Variants in CYP4F8 observed in about 807,000 individuals in gnomAD.
CYP4F8 encodes the protein cytochrome P450 family 4 subfamily F member 8.
CYP4F8 carries 56 observed loss-of-function variants against 55.0 expected under a neutral mutation model. The observed-to-expected ratio is 1.02, with a 90% CI of 0.82 to 1.27. The LOEUF (loss-of-function observed/expected upper bound fraction) is 1.27, where lower values mean the gene tolerates loss of function less well. Among genes scored for constraint, CYP4F8 ranks in the 50% most tolerant of loss-of-function variants. The probability of loss-of-function intolerance (pLI) is 0.00; values close to 1 mark genes in which losing one functional copy is unlikely to be tolerated. For synonymous variants in CYP4F8, 288 were observed against 267.3 expected (o/e 1.08, Z -0.76); for missense variants, 680 against 682.4 (o/e 1.00, Z 0.04).
At chr19:15,623,514 AT>A in intron 7 of CYP4F8, 139 bp downstream of exon 7, 1 of 1,297,932 alleles carries the variant, frequency 7.7e-7, no homozygotes, top group Admixed American at 2.7e-5. Flanking sequence ...AGTCAGATAA[AT>A]TTTAGAGGTG....
rs1230621413 is a variant in CYP4F8 at position 15,623,289 on chromosome 19, C to T, written c.832C>T (p.Leu278Phe). 2 of 1,613,962 alleles carry T rather than the reference C, an allele frequency of 1.2e-6. No homozygotes were observed. Among genetic ancestry groups the T allele is most frequent in the Non-Finnish European group, 1.7e-6 (2 of 1,180,026 alleles). Residue 278 changes from leucine to phenylalanine, a missense_variant, in exon 7 of 13, where the codon CTC (leucine) becomes TTC (phenylalanine). By Grantham distance (22) the Leu-to-Phe change is conservative. Transcript: ENST00000612078. ...CGTCATCCAGGAGCGGCGCCGCACC[C>T]TCACTAGCCAGGGTGTTGATGACTT... The part of the protein sequence containing the change: ...DAVIQERRRT[L>F]TSQGVDDFLQ...
rs1190402029 is a variant in CYP4F8 at position 15,628,831 on chromosome 19, C to T, written c.1385C>T (p.Ser462Leu). The stretch of plus-strand genomic sequence containing the variant: ...TCACCTATGGCTTTTATTCCTTTCT[C>T]GGCGGGGCCCAGGTGAGGCCAGGGG... ...KRSPMAFIPF[S>L]AGPRNCIGQK... The change falls in exon 12 of 13, where the codon TCG becomes TTG. Residue 462 changes from serine to leucine, a missense_variant. By Grantham distance (145) the Ser-to-Leu change is moderately radical (BLOSUM62 -2). Coordinates refer to ENST00000612078, the MANE Select transcript of CYP4F8 (RefSeq NM_007253.4). 3.1e-6 allele frequency: 5 copies of T among 1,602,678 alleles called. No homozygotes were observed. The highest frequency in any genetic ancestry group is 4.3e-6 in the Non-Finnish European group (5 of 1,175,080).
chr19:15,625,369 T>TA (rs1972249669), intron 9 of CYP4F8, among the ~76,000 whole-genome samples: 1 of 149,078 alleles, frequency 6.7e-6, no homozygotes, highest in Non-Finnish European at 1.5e-5. Flanking sequence ...AGTGTATATA[T>TA]ATATAGTGTT....
intron 2 of CYP4F8, 135 bp downstream of exon 2, chr19:15,615,949 C>CA: frequency 6.0e-6 from 1 of 165,808 alleles, no homozygotes; most frequent in East Asian, 8.1e-5. Flanking sequence ...ATTCCTCTTC[C>CA]CACTCATTCC....
In CYP4F8 at chr19:15,619,640, G is replaced by T. The variant is rs1188313361; in HGVS notation, c.403G>T (p.Gly135Trp). The T allele has an allele frequency of 3.7e-6, 6 of 1,614,246 alleles. No homozygotes were observed. The South Asian group carries it at 6.6e-5, about 18-fold the overall frequency. ...YKTLKPWLGD[G>W]LLLSVGDKWR... Reference sequence around the variant, plus strand: ...GCCTTTGGCTGCCGTACTAGGGGATGGGCTCTTGTTAAGTGTTGGTGACAA... The same window carrying T: ...GCCTTTGGCTGCCGTACTAGGGGATTGGCTCTTGTTAAGTGTTGGTGACAA... The change falls in exon 5 of 13, where the codon GGG becomes TGG. Residue 135 changes from glycine (G) to tryptophan (W), a missense_variant. Gly to Trp is a radical substitution (Grantham distance 184). Coordinates refer to ENST00000612078, the MANE Select transcript of CYP4F8 (RefSeq NM_007253.4).
chr19:15,621,387 G>A (rs781213688), intron 5 of CYP4F8, among the ~76,000 whole-genome samples: 15 of 152,150 alleles, frequency 9.9e-5, no homozygotes, highest in Middle Eastern at 3.2e-3. Context: ...TTAGCAGGGC[G>A]TGGTGGTGCG....
intron 8 of CYP4F8, 51 bp from the exon 9 acceptor site, chr19:15,623,914 T>G: frequency 6.2e-7 from 1 of 1,606,736 alleles, no homozygotes. Flanking sequence ...CTGTCCACCC[T>G]CTGGGTGCTG....
chr19:15,616,313 T>TCACTCATTCCTGTCCTC (rs1568381015), intron 2 of CYP4F8, among the ~76,000 whole-genome samples: 1 of 140,702 alleles, frequency 7.1e-6, no homozygotes, highest in African/African-American at 2.7e-5. Flanking sequence ...TTCCTCTCCT[T>TCACTCATTCCTGTCCTC]GCTCACTCAT....
At chr19:15,626,698 A>T (rs1406890994) in intron 9 of CYP4F8, among the ~76,000 whole-genome samples, 1 of 152,020 alleles carries the variant, frequency 6.6e-6, no homozygotes, top group Non-Finnish European at 1.5e-5. Context: ...AATTGGGTCC[A>T]CTGTATCTTT....
At chr19:15,618,368 G>A in intron 3 of CYP4F8, 2 of 766,442 alleles carry the variant, frequency 2.6e-6, no homozygotes, top group South Asian at 1.5e-5. Context: ...GGAACCACTG[G>A]GGCCCCGAGA....
At position 15,618,346 on chromosome 19, in the gene CYP4F8, C is replaced by T. The variant is rs754060460; in HGVS notation, c.343+202C>T. The T allele has an allele frequency of 3.8e-5, 34 of 890,606 alleles. No individual in the cohort carries two copies. The Middle Eastern group carries it at 4.5e-3, about 117-fold the overall frequency. The allele number at this position is 890,606 out of a possible 1,614,324, so 55.2% of individuals were successfully genotyped here. The stretch of plus-strand genomic sequence containing the variant: ...TCTCTGCTGCCATCTTCCCCACCTC[C>T]GTGTTGTTCTGGGAACCACTGGGGC... On this transcript the variant is annotated intron_variant, in intron 3 of 12. Coordinates refer to ENST00000612078, the MANE Select transcript of CYP4F8 (RefSeq NM_007253.4).
chr19:15,617,684 C>T (rs1325085595), intron 2 of CYP4F8, among the ~76,000 whole-genome samples: 2 of 152,140 alleles, frequency 1.3e-5, no homozygotes, highest in Non-Finnish European at 2.9e-5. Flanking sequence ...TGGTGCAATT[C>T]CGTCTGGGTC....
rs1972222985 is a variant in CYP4F8 at position 15,623,541 on chromosome 19, T to TAGAAAGCTG, written c.919-158_919-157insAGAAAGCTG. On this transcript the variant is annotated intron_variant, in intron 7 of 12. Transcript: ENST00000612078. ...TTTAGAGGTGATTGCATAGAAAGCT[T>TAGAAAGCTG]CCTGGGAAGAACAAACAGGAGGTCG... 4 of 1,015,486 alleles carry TAGAAAGCTG rather than the reference T, an allele frequency of 3.9e-6. No individual in the cohort carries two copies. The South Asian group carries it at 5.5e-5, about 14-fold the overall frequency. 62.9% of individuals were successfully genotyped at this position (1,015,486 alleles called of 1,614,324 possible).
intron 1 of CYP4F8, 84 bp from the exon 2 acceptor site, chr19:15,615,532 A>G (rs934772070): frequency 4.1e-6 from 6 of 1,453,544 alleles, no homozygotes; most frequent in East Asian, 2.4e-5. Flanking sequence ...GCTCTTAACC[A>G]TGTTTACCCA....
At position 15,618,134 on chromosome 19, in the gene CYP4F8, C is replaced by G; in HGVS notation, c.333C>G (p.Ile111Met). The G allele has an allele frequency of 6.2e-7, 1 of 1,614,132 alleles. No homozygotes were observed. Among genetic ancestry groups the G allele is most frequent in the Non-Finnish European group, 8.5e-7 (1 of 1,179,986 alleles). The change falls in exon 3 of 13, where the codon ATC becomes ATG. Residue 111 changes from isoleucine to methionine, a missense_variant. Coordinates refer to ENST00000612078, the MANE Select transcript of CYP4F8 (RefSeq NM_007253.4). ...LCHPDIVRSV[I>M]NTSDAITDKD... is the part of the protein sequence containing the mutation. ...ACCCTGACATCGTCCGATCTGTCATCAATACCTCAGGTACTCCTGCAGAGC... is the reference window on the plus strand; with the variant it reads ...ACCCTGACATCGTCCGATCTGTCATGAATACCTCAGGTACTCCTGCAGAGC...
Position 15,623,745 on chromosome 19 carries a change from C to A in CYP4F8, c.965C>A (p.Ala322Asp). 8 of 1,613,950 alleles carry A rather than the reference C, an allele frequency of 5.0e-6. No homozygotes were observed. In the South Asian group the frequency reaches 8.8e-5, roughly 18 times the overall value. Reference sequence around the variant, plus strand: ...TCAGATGAGGACATAAGAGCAGAAGCTGACACTTTCATGTTTGGAGGTGAG... The same window carrying A: ...TCAGATGAGGACATAAGAGCAGAAGATGACACTTTCATGTTTGGAGGTGAG... ...ELSDEDIRAE[A>D]DTFMFGGHDT... The change falls in exon 8 of 13, where the codon GCT becomes GAT. Residue 322 changes from alanine (A) to aspartate (D), a missense_variant. Coordinates refer to ENST00000612078, the MANE Select transcript of CYP4F8 (RefSeq NM_007253.4).
intron 6 of CYP4F8, chr19:15,622,865 A>C: frequency 3.6e-6 from 2 of 559,540 alleles, no homozygotes; most frequent in Non-Finnish European, 6.4e-6. Context: ...GAAACTGAGT[A>C]ATAATAGGCA....
At chr19:15,623,464 A>C (rs1248229108) in intron 7 of CYP4F8, 89 bp downstream of exon 7, 17 of 1,559,554 alleles carry the variant, frequency 1.1e-5, no homozygotes, top group Non-Finnish European at 1.5e-5. Context: ...TACAGAGGGC[A>C]CTAAGGAGCC....
chr19:15,618,978 G>A lies in CYP4F8; in HGVS notation c.344-512G>A, dbSNP rs147831322. 1.3e-3 allele frequency: 210 copies of A among 167,048 alleles called. 1 individual carries two copies. The highest frequency in any genetic ancestry group is 4.7e-3 in the African/African-American group (194 of 41,680). The allele number at this position is 167,048 out of a possible 1,614,324, so 10.3% of individuals were successfully genotyped here. On this transcript the variant is annotated intron_variant, in intron 3 of 12. Coordinates refer to ENST00000612078, the MANE Select transcript of CYP4F8 (RefSeq NM_007253.4). ...CATGGCTCAAGCCCCAAAATGCTGAGTGACTCTGGGCAGGTCCACGGCTCT... is the reference window on the plus strand; with the variant it reads ...CATGGCTCAAGCCCCAAAATGCTGAATGACTCTGGGCAGGTCCACGGCTCT...
Sources: gnomAD v4.1 joint callset for allele counts (sites outside exome capture counted in the v4.1 genomes callset) on GRCh38, gnomAD v4.1.1 for gene constraint, MANE v1.5 for transcripts, NCBI Gene and HGNC (gene_info 2026-07-23, HGNC 2026-07-21) for gene names.